Variants in AMACR observed in about 807,000 individuals in gnomAD.
AMACR encodes the protein 2-methylacyl-CoA racemase.
In AMACR, 18 loss-of-function variants were observed where a neutral mutation model predicts 22.2. The ratio of observed to expected loss-of-function variants is 0.81; its 90% CI spans 0.56 to 1.20. The LOEUF is 1.20. Among genes scored for constraint, AMACR ranks in the 50% most tolerant of loss-of-function variants. AMACR has a pLI of 0.00. For synonymous variants in AMACR, 213 were observed against 191.3 expected, an observed-to-expected ratio of 1.11 and a Z score of -0.94; for missense variants, 499 against 490.6, an observed-to-expected ratio of 1.02 and a Z score of -0.16.
At chr5:33,990,445 T>C (rs1341039660) in intron 4 of AMACR, among the ~76,000 whole-genome samples, 1 of 152,230 alleles carries the variant, frequency 6.6e-6, no homozygotes, top group African/African-American at 2.4e-5. Flanking sequence ...TGACCCCATC[T>C]GCGTTTCCTT....
In AMACR at chr5:34,007,775, C is replaced by G; in HGVS notation, c.245G>C (p.Arg82Pro). 2 of 1,553,076 alleles carry G rather than the reference C, an allele frequency of 1.3e-6. No individual in the cohort carries two copies. Among genetic ancestry groups the G allele is most frequent in the Non-Finnish European group, 1.7e-6 (2 of 1,155,614 alleles). Residue 82 changes from arginine (R) to proline (P), a missense_variant and splice_region_variant, in exon 1 of 5, where the codon CGC becomes CCC. By Grantham distance (103) the Arg-to-Pro change is moderately radical (BLOSUM62 -2). Transcript: ENST00000335606. ...CAGCCCGCGGGGCCCGGGCTCACCG[C>G]GGCGGAAGGGCTCCAGCAGCACATC... is the stretch of plus-strand genomic sequence containing the variant. ...RSDVLLEPFRRGVMEKLQLGP... is the reference protein window; with the variant it reads ...RSDVLLEPFRPGVMEKLQLGP...
chr5:33,999,921 T>TACAC (rs752099704), intron 3 of AMACR, among the ~76,000 whole-genome samples: 1 of 152,014 alleles, frequency 6.6e-6, no homozygotes, highest in Non-Finnish European at 1.5e-5. Context: ...TTTATACACA[T>TACAC]ACACACACAC....
intron 4 of AMACR, among the ~76,000 whole-genome samples, chr5:33,993,225 A>T (rs1374296971): frequency 3.9e-5 from 6 of 152,270 alleles, no homozygotes; most frequent in Middle Eastern, 3.4e-3. Flanking sequence ...TGTCTTCAAG[A>T]TTCATCTCTG....
chr5:33,988,525 T>A lies in AMACR; in HGVS notation c.*568A>T. 7.1e-7 allele frequency: 1 copy of A among 1,402,946 alleles called. No individual in the cohort carries two copies. Among genetic ancestry groups the A allele is most frequent in the Non-Finnish European group, 9.2e-7 (1 of 1,082,744 alleles). The allele number at this position is 1,402,946 out of a possible 1,614,324, so 86.9% of individuals were successfully genotyped here. ...TCCTCATTATTTTGGATATGTTTTT[T>A]TCAGTTGAAGGCATTCTGATTCAAT... On this transcript the variant is annotated 3_prime_UTR_variant, in exon 5 of 5. Coordinates refer to ENST00000335606, the MANE Select transcript of AMACR (RefSeq NM_014324.6).
In AMACR at chr5:33,988,904, A is replaced by G; in HGVS notation, c.*189T>C. ...ATAAGTACCCAAAGTTTTATAAATC[A>G]AAAGCCCTAATGATAACCATTTTTA... On this transcript the variant is annotated 3_prime_UTR_variant, in exon 5 of 5. Transcript: ENST00000335606. The G allele has an allele frequency of 7.1e-7, 1 of 1,416,194 alleles. No homozygotes were observed. The highest frequency in any genetic ancestry group is 2.6e-5 in the East Asian group (1 of 38,900). 87.7% of individuals were successfully genotyped at this position (1,416,194 alleles called of 1,614,324 possible).
Position 33,988,674 on chromosome 5 carries a change from CACGTG to C in AMACR, c.*414_*418del. 8.1e-7 allele frequency: 1 copy of C among 1,228,124 alleles called. No individual in the cohort carries two copies. 76.1% of individuals were successfully genotyped at this position (1,228,124 alleles called of 1,614,324 possible). A position where few individuals can be genotyped will look rare whatever the true frequency, so the allele number is the denominator to read the frequency against. ...CTGGATGCAACCAATCACTCTGTTT[CACGTG>C]ACTTTTATCACCATACAATTTGTGG... On this transcript the variant is annotated 3_prime_UTR_variant, in exon 5 of 5. Coordinates refer to ENST00000335606, the MANE Select transcript of AMACR (RefSeq NM_014324.6).
chr5:33,998,825 C>T lies in AMACR; in HGVS notation c.555G>A (p.Val185=), dbSNP rs370049409. Residue 185 remains valine (V), a splice_region_variant and synonymous_variant, in exon 4 of 5, where the codon GTG becomes GTA. Transcript: ENST00000335606. ...GKGQVIDANM[V]EGTAYLSSFL... is the part of the protein sequence containing the mutation. Reference sequence around the variant, plus strand: ...AAGAACTTAAATATGCTGTTCCTTCCACCTTTGAGAAAACAGAATACAAGA... The same window carrying T: ...AAGAACTTAAATATGCTGTTCCTTCTACCTTTGAGAAAACAGAATACAAGA... 6.2e-7 allele frequency: 1 copy of T among 1,613,760 alleles called. No homozygotes were observed. Among genetic ancestry groups the T allele is most frequent in the African/African-American group, 1.3e-5 (1 of 74,892 alleles).
chr5:33,992,378 T>TTTATATAA (rs1456407507), intron 4 of AMACR, among the ~76,000 whole-genome samples: 1 of 149,648 alleles, frequency 6.7e-6, no homozygotes, highest in Non-Finnish European at 1.5e-5. Flanking sequence ...AAATTATAAA[T>TTTATATAA]TTATATAATT....
At chr5:33,991,213 C>G (rs1025641563) in intron 4 of AMACR, among the ~76,000 whole-genome samples, 1 of 152,112 alleles carries the variant, frequency 6.6e-6, no homozygotes, top group African/African-American at 2.4e-5. Flanking sequence ...TCAAAAGCCC[C>G]CAGATCCTAC....
intron 3 of AMACR, among the ~76,000 whole-genome samples, chr5:33,999,862 G>A (rs947604754): frequency 6.6e-6 from 1 of 152,130 alleles, no homozygotes; most frequent in Admixed American, 6.6e-5. Context: ...AGTGGCCTAC[G>A]GCAGTGCCTT....
rs1231664277 is a variant in AMACR at position 33,989,047 on chromosome 5, A to T, written c.*46T>A. Reference sequence around the variant, plus strand: ...CATACAATGTTATGTGTTACTCTACACTGTAAATGCAGTATTCAAATTCAC... The same window carrying T: ...CATACAATGTTATGTGTTACTCTACTCTGTAAATGCAGTATTCAAATTCAC... On this transcript the variant is annotated 3_prime_UTR_variant, in exon 5 of 5. Coordinates refer to ENST00000335606, the MANE Select transcript of AMACR (RefSeq NM_014324.6). The T allele has an allele frequency of 2.5e-6, 4 of 1,612,786 alleles. No individual in the cohort carries two copies. In the African/African-American group the frequency reaches 4.0e-5, roughly 16 times the overall value.
At chr5:33,994,314 G>A (rs1753572073) in intron 4 of AMACR, among the ~76,000 whole-genome samples, 1 of 152,112 alleles carries the variant, frequency 6.6e-6, no homozygotes, top group African/African-American at 2.4e-5. Flanking sequence ...GAGCAGCTGG[G>A]ATTACAGACA....
chr5:33,998,616 G>A (rs1214911912), intron 4 of AMACR, 25 bp downstream of exon 4: 2 of 1,582,606 alleles, frequency 1.3e-6, no homozygotes, highest in Admixed American at 3.6e-5. Flanking sequence ...AGGGGAACTG[G>A]GGGAGACGCG....
intron 4 of AMACR, among the ~76,000 whole-genome samples, chr5:33,995,061 T>C (rs1436782379): frequency 6.6e-6 from 1 of 152,228 alleles, no homozygotes; most frequent in Admixed American, 6.5e-5. Context: ...TTCATAAATT[T>C]AAATTGCATG....
intron 4 of AMACR, among the ~76,000 whole-genome samples, chr5:33,996,152 A>T (rs1753626508): frequency 6.6e-6 from 1 of 151,282 alleles, no homozygotes; most frequent in Non-Finnish European, 1.5e-5. Flanking sequence ...TCTAGCCCTA[A>T]ATTGTTGATT....
Position 34,007,917 on chromosome 5 carries a change from C to G in AMACR, c.103G>C (p.Asp35His). The part of the protein sequence containing the change: ...ADFGARVVRV[D>H]RPGSRYDVSR... ...ACGTCGTAGCGGGAGCCGGGCCGGT[C>G]CACGCGTACCACACGCGCCCCGAAG... Residue 35 changes from aspartate (D) to histidine (H), a missense_variant, in exon 1 of 5, where the codon GAC becomes CAC. Physicochemically the swap from Asp to His is moderately conservative, Grantham distance 81. Coordinates refer to ENST00000335606, the MANE Select transcript of AMACR (RefSeq NM_014324.6). 6.2e-7 allele frequency: 1 copy of G among 1,608,182 alleles called. No individual in the cohort carries two copies. The highest frequency in any genetic ancestry group is 8.5e-7 in the Non-Finnish European group (1 of 1,178,846).
Position 33,988,753 on chromosome 5 carries a change from T to C in AMACR, c.*340A>G. ...AGAATCAAGAGTGTAAATAAATGTA[T>C]ATCGATGTCTTCAAGAATATATCAT... On this transcript the variant is annotated 3_prime_UTR_variant, in exon 5 of 5. Transcript: ENST00000335606. The C allele has an allele frequency of 3.3e-6, 4 of 1,208,666 alleles. No individual in the cohort carries two copies. The highest frequency in any genetic ancestry group is 2.1e-5 in the South Asian group (1 of 46,832). The allele number at this position is 1,208,666 out of a possible 1,614,324, so 74.9% of individuals were successfully genotyped here.
chr5:34,005,288 T>C (rs1753936783), intron 2 of AMACR, among the ~76,000 whole-genome samples: 1 of 139,662 alleles, frequency 7.2e-6, no homozygotes. Flanking sequence ...TAAAGTGATA[T>C]TAGGACCTGA....
At chr5:33,997,100 TGA>T (rs1371167944) in intron 4 of AMACR, 1 of 759,952 alleles carries the variant, frequency 1.3e-6, no homozygotes, top group African/African-American at 1.7e-5. Flanking sequence ...TGCTCTGCTG[TGA>T]GAGAGCCAAG....
Sources: allele counts gnomAD v4.1 joint callset (sites outside exome capture counted in the v4.1 genomes callset), GRCh38; gene constraint gnomAD v4.1.1; transcripts MANE v1.5; gene names NCBI Gene and HGNC (gene_info 2026-07-23, HGNC 2026-07-21).